AIFM3: variants seen among roughly 807,000 people sequenced by gnomAD.
AIFM3 encodes the protein AIF family member 3, also known as apoptosis-inducing factor 3.
Under a neutral mutation model 82.7 loss-of-function variants are expected in AIFM3, and 71 were observed. The ratio of observed to expected loss-of-function variants is 0.86; its 90% CI spans 0.71 to 1.05. The LOEUF (loss-of-function observed/expected upper bound fraction) is 1.05. Among genes scored for constraint, AIFM3 ranks in the 50% least tolerant of loss-of-function variants. The probability of loss-of-function intolerance (pLI) is 0.00; values close to 1 mark genes in which losing one functional copy is unlikely to be tolerated. For synonymous variants in AIFM3, 337 were observed against 329.1 expected, an observed-to-expected ratio of 1.02 and a Z score of -0.26; for missense variants, 748 against 816.7, an observed-to-expected ratio of 0.92 and a Z score of 1.03.
At chr22:20,979,159 G>T (rs1284042017) in intron 16 of AIFM3, 112 bp from the exon 17 acceptor site, 2 of 1,041,524 alleles carry the variant, frequency 1.9e-6, no homozygotes, top group African/African-American at 3.2e-5. Context: ...TGACCTCTGG[G>T]GAGACCAGGA....
intron 19 of AIFM3, 99 bp downstream of exon 19, chr22:20,980,223 C>T (rs2147952537): frequency 9.3e-7 from 1 of 1,080,168 alleles, no homozygotes. Flanking sequence ...CCTCCAGGGC[C>T]TTTCCCCTCT....
At position 20,980,887 on chromosome 22, in the gene AIFM3, C is replaced by T; in HGVS notation, c.1779-105C>T. On this transcript the variant is annotated intron_variant, in intron 20 of 20. Transcript: ENST00000440238. The stretch of plus-strand genomic sequence containing the variant: ...CTCCCTGCTGGGCACTAGGGTCTGG[C>T]ACAGAACAGACCCCCTGCTGTCCTC... 8.1e-6 allele frequency: 13 copies of T among 1,601,610 alleles called. No homozygotes were observed. In the South Asian group the frequency reaches 1.2e-4, roughly 15 times the overall value.
intron 14 of AIFM3, 85 bp downstream of exon 14, chr22:20,977,180 C>T: frequency 1.3e-6 from 2 of 1,555,990 alleles, no homozygotes; most frequent in Non-Finnish European, 1.8e-6. Context: ...GTCCCTTCCC[C>T]TCCCAGAGCC....
At chr22:20,979,786 C>G (rs879108418) in intron 18 of AIFM3, 84 bp downstream of exon 18, 10 of 1,540,292 alleles carry the variant, frequency 6.5e-6, no homozygotes, top group African/African-American at 1.4e-5. Context: ...AATCCCAGAA[C>G]AAGAGCCCAG....
intron 2 of AIFM3, among the ~76,000 whole-genome samples, chr22:20,970,246 A>G (rs1011484801): frequency 1.3e-5 from 2 of 152,154 alleles, no homozygotes; most frequent in Non-Finnish European, 2.9e-5. Flanking sequence ...TTCCTTCAGC[A>G]TTCACTGTCA....
chr22:20,979,432 G>A, intron 17 of AIFM3, 63 bp downstream of exon 17: 1 of 1,479,262 alleles, frequency 6.8e-7, no homozygotes, highest in Non-Finnish European at 9.2e-7. Flanking sequence ...CTTGGGTGTG[G>A]GGCGGGGCTG....
intron 14 of AIFM3, 111 bp downstream of exon 14, chr22:20,977,206 T>A: frequency 6.9e-7 from 1 of 1,457,040 alleles, no homozygotes; most frequent in Non-Finnish European, 9.4e-7. Flanking sequence ...TTCCACCACA[T>A]CTGTCAAATG....
intron 16 of AIFM3, among the ~76,000 whole-genome samples, chr22:20,978,921 G>A (rs768656662): frequency 3.3e-5 from 5 of 151,934 alleles, no homozygotes; most frequent in Non-Finnish European, 5.9e-5. Context: ...GTGTACTTGT[G>A]CCCCATTTTC....
intron 20 of AIFM3, 92 bp from the exon 21 acceptor site, chr22:20,980,900 C>G (rs912079908): frequency 6.2e-7 from 1 of 1,608,524 alleles, no homozygotes; most frequent in Non-Finnish European, 8.5e-7. Flanking sequence ...AGAACAGACC[C>G]CCTGCTGTCC....
intron 14 of AIFM3, 118 bp downstream of exon 14, chr22:20,977,213 A>T (rs1452428758): frequency 2.8e-6 from 4 of 1,404,186 alleles, no homozygotes; most frequent in African/African-American, 1.6e-5. Context: ...ACATCTGTCA[A>T]ATGGGAACCC....
At chr22:20,980,611 G>T in intron 19 of AIFM3, 136 bp from the exon 20 acceptor site, 1 of 1,094,048 alleles carries the variant, frequency 9.1e-7, no homozygotes, top group Non-Finnish European at 1.4e-6. Flanking sequence ...ACTGGGGACA[G>T]CCTGGAGGCC....
Position 20,976,922 on chromosome 22 carries a change from G to C in AIFM3, c.1202G>C (p.Arg401Pro), listed in dbSNP as rs528081577. The C allele has an allele frequency of 6.2e-7, 1 of 1,610,676 alleles. No individual in the cohort carries two copies. Among genetic ancestry groups the C allele is most frequent in the Non-Finnish European group, 8.5e-7 (1 of 1,177,408 alleles). ...FYMQTEVSELRGQEGKLKEVV... is the reference protein window; with the variant it reads ...FYMQTEVSELPGQEGKLKEVV... ...ATGCAGACGGAGGTGTCTGAGCTGC[G>C]GGGCCAGGAGGGAAAGGTGGGCCCT... The change falls in exon 13 of 21, where the codon CGG becomes CCG. Residue 401 changes from arginine (R) to proline (P), a missense_variant. Coordinates refer to ENST00000440238, the MANE Select transcript of AIFM3 (RefSeq NM_001386814.1).
At chr22:20,976,576 G>T (rs763259745) in intron 11 of AIFM3, 38 bp downstream of exon 11, 11 of 1,612,912 alleles carry the variant, frequency 6.8e-6, no homozygotes, top group Middle Eastern at 1.6e-4. Flanking sequence ...TGGTCAGGTC[G>T]TCATGGCCAG....
intron 16 of AIFM3, among the ~76,000 whole-genome samples, chr22:20,978,719 G>A (rs1253983644): frequency 6.6e-6 from 1 of 151,988 alleles, no homozygotes; most frequent in African/African-American, 2.4e-5. Context: ...GTCCAAAGTC[G>A]AAAGTTGTTG....
At chr22:20,974,847 T>A in intron 8 of AIFM3, 31 bp downstream of exon 8, 2 of 1,598,318 alleles carry the variant, frequency 1.3e-6, no homozygotes, top group Non-Finnish European at 1.7e-6. Flanking sequence ...AGGGACCCTA[T>A]CCCTCTGGGT....
chr22:20,973,888 C>T (rs531634411), intron 4 of AIFM3, 21 bp downstream of exon 4: 65 of 1,503,414 alleles, frequency 4.3e-5, no homozygotes, highest in South Asian at 4.1e-4. Flanking sequence ...AGGTGGGAGG[C>T]GTGAGGGGGA....
intron 2 of AIFM3, among the ~76,000 whole-genome samples, chr22:20,968,978 C>T (rs1184646483): frequency 1.3e-5 from 2 of 152,210 alleles, no homozygotes; most frequent in Non-Finnish European, 2.9e-5. Flanking sequence ...GACCCACTTG[C>T]CTCTGCTCCA....
chr22:20,972,211 C>T (rs998642006), intron 2 of AIFM3, among the ~76,000 whole-genome samples: 5 of 152,016 alleles, frequency 3.3e-5, no homozygotes, highest in Admixed American at 3.3e-4. Context: ...TCGAGACCAG[C>T]CTGACCAACA....
At position 20,967,810 on chromosome 22, in the gene AIFM3, A is replaced by G; in HGVS notation, c.-135A>G. 1 of 923,678 alleles carries G rather than the reference A, an allele frequency of 1.1e-6. No homozygotes were observed. The highest frequency in any genetic ancestry group is 1.8e-6 in the Non-Finnish European group (1 of 570,788). The allele number at this position is 923,678 out of a possible 1,614,324, so 57.2% of individuals were successfully genotyped here. On this transcript the variant is annotated 5_prime_UTR_variant, in exon 2 of 21. Coordinates refer to ENST00000440238, the MANE Select transcript of AIFM3 (RefSeq NM_001386814.1). ...GGCTCCAGTCTCCCCTGCAGGTCCT[A>G]GAGCAGCTCCAGCAGGATGGCGGCT...
Sources: gnomAD v4.1 joint callset for allele counts (sites outside exome capture counted in the v4.1 genomes callset) on GRCh38, gnomAD v4.1.1 for gene constraint, MANE v1.5 for transcripts, NCBI Gene and HGNC (gene_info 2026-07-23, HGNC 2026-07-21) for gene names.